The following CCNI2 variants were observed in gnomAD, a reference collection of about 807,000 sequenced individuals.
CCNI2 encodes the protein cyclin I family member 2.
Under a neutral mutation model 33.2 loss-of-function variants are expected in CCNI2, and 32 were observed. The observed-to-expected ratio is 0.96, with a 90% CI of 0.73 to 1.30. CCNI2 has a LOEUF of 1.30. CCNI2 is among the 50% of genes most tolerant of loss of function. The pLI is 0.00. For missense variants in CCNI2, 452 were observed against 486.2 expected, an observed-to-expected ratio of 0.93 and a Z score of 0.66; for synonymous variants, 231 against 219.9, an observed-to-expected ratio of 1.05 and a Z score of -0.45.
chr5:132,754,127 T>C lies in CCNI2; in HGVS notation c.*1157T>C. 2.6e-6 allele frequency: 1 copy of C among 378,642 alleles called. No homozygotes were observed. 23.5% of individuals were successfully genotyped at this position (378,642 alleles called of 1,614,324 possible). The stretch of plus-strand genomic sequence containing the variant: ...TTTTTTCTTGACACACTTTTGCTTG[T>C]TGGTGCTTTCGTTAAAATTACACTT... On this transcript the variant is annotated 3_prime_UTR_variant, in exon 6 of 6. Coordinates refer to ENST00000378731, the MANE Select transcript of CCNI2 (RefSeq NM_001039780.4).
Position 132,753,289 on chromosome 5 carries a change from T to C in CCNI2, c.*319T>C. The C allele has an allele frequency of 3.2e-6, 1 of 313,812 alleles. No individual in the cohort carries two copies. The highest frequency in any genetic ancestry group is 6.1e-6 in the Non-Finnish European group (1 of 163,824). 19.4% of individuals were successfully genotyped at this position (313,812 alleles called of 1,614,324 possible). A position where few individuals can be genotyped will look rare whatever the true frequency, so the allele number is the denominator to read the frequency against. ...TTTTACCTTCCTTCTCCAGCAAGGG[T>C]TGGCATTGGCCCCTGGGAGCGCTGG... is the stretch of plus-strand genomic sequence containing the variant. On this transcript the variant is annotated 3_prime_UTR_variant, in exon 6 of 6. Transcript: ENST00000378731.
At position 132,754,400 on chromosome 5, in the gene CCNI2, C is replaced by G. The variant is rs1287662633; in HGVS notation, c.*1430C>G. On this transcript the variant is annotated 3_prime_UTR_variant, in exon 6 of 6. Transcript: ENST00000378731. ...ACAGTGCATGAGGCAGAAGGACATC[C>G]TGAGGGCCCATACCAGTTTAGGCAT... 9.8e-6 allele frequency: 7 copies of G among 717,416 alleles called. No homozygotes were observed. The highest frequency in any genetic ancestry group is 1.8e-5 in the Non-Finnish European group (7 of 385,060). The allele number at this position is 717,416 out of a possible 1,614,324, so 44.4% of individuals were successfully genotyped here.
chr5:132,747,539 A>G lies in CCNI2; in HGVS notation c.44A>G (p.Glu15Gly). Residue 15 changes from glutamate (E) to glycine (G), a missense_variant, in exon 1 of 6, where the codon GAG (glutamate) becomes GGG (glycine). Coordinates refer to ENST00000378731, the MANE Select transcript of CCNI2 (RefSeq NM_001039780.4). This position sits in a 1 kb window ranked among gnomAD's most constrained non-coding sequence, Gnocchi z 4.1. The stretch of plus-strand genomic sequence containing the variant: ...CTCCCGCCGCAGCCGTCGAGCTCAG[A>G]GGTCAGCGCCGTCCAGAGCCCAGGC... ...AQLPPQPSSS[E>G]VSAVQSPGGR... The G allele has an allele frequency of 6.7e-7, 1 of 1,502,908 alleles. No homozygotes were observed. The highest frequency in any genetic ancestry group is 1.8e-4 in the Middle Eastern group (1 of 5,562). The allele number at this position is 1,502,908 out of a possible 1,614,324, so 93.1% of individuals were successfully genotyped here. A position where few individuals can be genotyped will look rare whatever the true frequency, so the allele number is the denominator to read the frequency against.
chr5:132,751,645 G>A, intron 4 of CCNI2: 1 of 411,952 alleles, frequency 2.4e-6, no homozygotes, highest in Non-Finnish European at 4.3e-6. Flanking sequence ...GCAGATACAA[G>A]TAACTTTTCT....
chr5:132,748,552 G>T, intron 2 of CCNI2, 77 bp downstream of exon 2: 2 of 1,568,584 alleles, frequency 1.3e-6, no homozygotes, highest in African/African-American at 1.4e-5. Flanking sequence ...TGCTTGAGAG[G>T]TGAGGGTTTC....
At chr5:132,756,058 A>T (rs997662608), downstream of CCNI2, 4 of 985,340 alleles carry the variant, frequency 4.1e-6, no homozygotes, top group African/African-American at 7.0e-5. Flanking sequence ...AATGGAAAAG[A>T]ACAAAAACAG....
Position 132,748,295 on chromosome 5 carries a change from AGG to A in CCNI2, c.430-51_430-50del, listed in dbSNP as rs150066863. ...AGGAGGCTCCTGCTGCTGGGGGACCAGGAGTGGCCGCTAGCGACCTTCCTCGC... is the reference window on the plus strand; with the variant it reads ...AGGAGGCTCCTGCTGCTGGGGGACCAAGTGGCCGCTAGCGACCTTCCTCGC... On this transcript the variant is annotated intron_variant, in intron 1 of 5. Transcript: ENST00000378731. The A allele has an allele frequency of 7.6e-3, 12,128 of 1,603,978 alleles. 642 individuals are homozygous for A. The East Asian group carries it at 0.14, about 19-fold the overall frequency.
intron 3 of CCNI2, 74 bp downstream of exon 3, chr5:132,749,496 C>T: frequency 8.2e-7 from 1 of 1,213,182 alleles, no homozygotes; most frequent in Middle Eastern, 1.9e-4. Context: ...CTCCAGTTTC[C>T]TGATAGGTCT....
At position 132,747,570 on chromosome 5, in the gene CCNI2, T is replaced by A. The variant is rs1270327246; in HGVS notation, c.75T>A (p.Arg25=). 6.7e-7 allele frequency: 1 copy of A among 1,495,318 alleles called. No homozygotes were observed. The highest frequency in any genetic ancestry group is 8.9e-7 in the Non-Finnish European group (1 of 1,128,522). 92.6% of individuals were successfully genotyped at this position (1,495,318 alleles called of 1,614,324 possible). The change falls in exon 1 of 6, where the codon CGT becomes CGA. Residue 25 remains arginine, a synonymous_variant. Coordinates refer to ENST00000378731, the MANE Select transcript of CCNI2 (RefSeq NM_001039780.4). This position sits in a 1 kb window ranked among gnomAD's most constrained non-coding sequence, Gnocchi z 4.1. ...EVSAVQSPGG[R]PGAGLEETAL... ...GCGCCGTCCAGAGCCCAGGCGGGCG[T>A]CCCGGCGCCGGTCTGGAGGAAACAG...
At chr5:132,749,921 C>G (rs879683197) in intron 3 of CCNI2, among the ~76,000 whole-genome samples, 2 of 152,120 alleles carry the variant, frequency 1.3e-5, no homozygotes, top group Admixed American at 1.3e-4. Context: ...ATGAGCATTT[C>G]AGGCATGGCT....
Position 132,752,202 on chromosome 5 carries a change from C to A in CCNI2, c.1005+6C>A, listed in dbSNP as rs1255550394. On this transcript the variant is annotated splice_donor_region_variant and intron_variant, in intron 5 of 5. Transcript: ENST00000378731. The stretch of plus-strand genomic sequence containing the variant: ...ATCTGCTAAAGAAAGCACAGGTAGA[C>A]ATCAACTTTGCCCCAGACCAGGCTC... The A allele has an allele frequency of 1.3e-6, 2 of 1,561,432 alleles. No homozygotes were observed. The highest frequency in any genetic ancestry group is 1.7e-6 in the Non-Finnish European group (2 of 1,150,766).
At chr5:132,752,814 C>T in intron 5 of CCNI2, 52 bp from the exon 6 acceptor site, 1 of 1,524,986 alleles carries the variant, frequency 6.6e-7, no homozygotes, top group Non-Finnish European at 9.1e-7. Flanking sequence ...TTGCCAATTT[C>T]TTAGAATGTA....
rs1327786956 is a variant in CCNI2 at position 132,747,612 on chromosome 5, C to A, written c.117C>A (p.Leu39=). The part of the protein sequence containing the change: ...GLEETALGVP[L]PPSPGEAPLP... The stretch of plus-strand genomic sequence containing the variant: ...AGGAAACAGCCCTGGGCGTTCCTCT[C>A]CCGCCGTCTCCGGGGGAGGCCCCTC... Residue 39 remains leucine (L), a synonymous_variant, in exon 1 of 6, where the codon CTC becomes CTA. Coordinates refer to ENST00000378731, the MANE Select transcript of CCNI2 (RefSeq NM_001039780.4). This position sits in a 1 kb window ranked among gnomAD's most constrained non-coding sequence, Gnocchi z 4.1. 2.0e-6 allele frequency: 3 copies of A among 1,500,446 alleles called. No homozygotes were observed. The highest frequency in any genetic ancestry group is 1.8e-6 in the Non-Finnish European group (2 of 1,131,186). 92.9% of individuals were successfully genotyped at this position (1,500,446 alleles called of 1,614,324 possible). A position where few individuals can be genotyped will look rare whatever the true frequency, so the allele number is the denominator to read the frequency against.
At chr5:132,755,569 G>C (rs1433616580), downstream of CCNI2, among the ~76,000 whole-genome samples, 1 of 152,178 alleles carries the variant, frequency 6.6e-6, no homozygotes, top group Non-Finnish European at 1.5e-5. Flanking sequence ...GGGGATGAAT[G>C]GTCCCTAATC....
In CCNI2 at chr5:132,753,360, G is replaced by A. The variant is rs1448868627; in HGVS notation, c.*390G>A. The A allele has an allele frequency of 1.0e-4, 23 of 224,038 alleles. No homozygotes were observed. The highest frequency in any genetic ancestry group is 9.1e-5 in the Non-Finnish European group (10 of 109,948). 13.9% of individuals were successfully genotyped at this position (224,038 alleles called of 1,614,324 possible). ...GCCTGGCTCAGGGCTGAAGGGCTGG[G>A]GCTAGCTCTGACCAGTTCTTGCTGC... On this transcript the variant is annotated 3_prime_UTR_variant, in exon 6 of 6. Coordinates refer to ENST00000378731, the MANE Select transcript of CCNI2 (RefSeq NM_001039780.4).
chr5:132,747,736 G>A lies in CCNI2; in HGVS notation c.241G>A (p.Gly81Ser), dbSNP rs1396273637. 2 of 1,472,566 alleles carry A rather than the reference G, an allele frequency of 1.4e-6. No homozygotes were observed. The highest frequency in any genetic ancestry group is 1.8e-6 in the Non-Finnish European group (2 of 1,120,108). The allele number at this position is 1,472,566 out of a possible 1,614,324, so 91.2% of individuals were successfully genotyped here. A position where few individuals can be genotyped will look rare whatever the true frequency, so the allele number is the denominator to read the frequency against. Reference sequence around the variant, plus strand: ...AGCAGTCCCCGTGCGGCCCCGGCGCGGTACGGCGCCAGCCGGGAAAACCGC... The same window carrying A: ...AGCAGTCCCCGTGCGGCCCCGGCGCAGTACGGCGCCAGCCGGGAAAACCGC... ...SAAVPVRPRRGTAPAGKTADA... is the reference protein window; with the variant it reads ...SAAVPVRPRRSTAPAGKTADA... The change falls in exon 1 of 6, where the codon GGT becomes AGT. Residue 81 changes from glycine (G) to serine (S), a missense_variant. Transcript: ENST00000378731. The surrounding 1 kb of genome is among the most constrained non-coding windows in gnomAD (Gnocchi z 4.1).
In CCNI2 at chr5:132,747,518, C is replaced by A; in HGVS notation, c.23C>A (p.Pro8Gln). The change falls in exon 1 of 6, where the codon CCG becomes CAG. Residue 8 changes from proline (P) to glutamine (Q), a missense_variant. Transcript: ENST00000378731. This position sits in a 1 kb window ranked among gnomAD's most constrained non-coding sequence, Gnocchi z 4.1. MASGAQL[P>Q]PQPSSSEVSA... ...GACATGGCCTCGGGCGCTCAGCTCC[C>A]GCCGCAGCCGTCGAGCTCAGAGGTC... The A allele has an allele frequency of 2.7e-6, 4 of 1,497,928 alleles. No homozygotes were observed. The highest frequency in any genetic ancestry group is 2.8e-5 in the East Asian group (1 of 35,358). 92.8% of individuals were successfully genotyped at this position (1,497,928 alleles called of 1,614,324 possible).
In CCNI2 at chr5:132,750,870, T is replaced by G; in HGVS notation, c.647T>G (p.Val216Gly). 1 of 1,613,878 alleles carries G rather than the reference T, an allele frequency of 6.2e-7. No homozygotes were observed. The highest frequency in any genetic ancestry group is 8.5e-7 in the Non-Finnish European group (1 of 1,179,944). The change falls in exon 4 of 6, where the codon GTA becomes GGA. Residue 216 changes from valine to glycine, a missense_variant. By Grantham distance (109) the Val-to-Gly change is moderately radical (BLOSUM62 -3). Transcript: ENST00000378731. ...TTCTTTTTACAGTTTATTCCACAAG[T>G]AAAAGACTTCACAAAGCACTATGGC... is the stretch of plus-strand genomic sequence containing the variant. ...VNEEEEFIPQ[V>G]KDFTKHYGSD...
chr5:132,748,885 T>C (rs1018078368), intron 2 of CCNI2, among the ~76,000 whole-genome samples: 16 of 152,174 alleles, frequency 1.1e-4, no homozygotes, highest in African/African-American at 3.9e-4. Flanking sequence ...GCATCTTCGT[T>C]GGTCAGATCT....
Sources: gnomAD v4.1 joint callset for allele counts (sites outside exome capture counted in the v4.1 genomes callset) on GRCh38, gnomAD v4.1.1 for gene constraint, Gnocchi (gnomAD v3.1) non-coding constraint, MANE v1.5 for transcripts, NCBI Gene and HGNC (gene_info 2026-07-23, HGNC 2026-07-21) for gene names.